DLG4: variants seen among roughly 807,000 people sequenced by gnomAD.
DLG4 encodes discs large MAGUK scaffold protein 4, also known as disks large homolog 4.
In DLG4, 7 loss-of-function variants were observed where a neutral mutation model predicts 93.8. That is an observed-to-expected ratio of 0.07 (90% confidence interval 0.04 to 0.14). The LOEUF (loss-of-function observed/expected upper bound fraction) is 0.14. Ranked by LOEUF, DLG4 falls within the 10% of genes least tolerant of loss-of-function variation. The pLI, the probability that DLG4 is intolerant of heterozygous loss-of-function variation, is 1.00. For missense variants in DLG4, 545 were observed against 992.9 expected, an observed-to-expected ratio of 0.55 and a Z score of 6.06; for synonymous variants, 341 against 387.6, an observed-to-expected ratio of 0.88 and a Z score of 1.41.
chr17:7,210,779 C>A (rs984181054), intron 1 of DLG4, among the ~76,000 whole-genome samples: 2 of 152,126 alleles, frequency 1.3e-5, no homozygotes, highest in African/African-American at 4.8e-5. Context: ...CTTCACTCCA[C>A]CTCAGAGAGA....
rs41283393 is a variant in DLG4 at position 7,194,351 on chromosome 17, G to A, written c.1446C>T (p.Thr482=). 56,296 of 1,607,304 alleles carry A rather than the reference G, an allele frequency of 0.035. 1,214 individuals carry two copies. Among genetic ancestry groups the A allele is most frequent in the Non-Finnish European group, 0.039 (45,334 of 1,177,086 alleles). ...TGCTGGGGATGAACCCAATGTCGTCGGTCTCACTGTCAGAGTGGACCCGCC... is the reference window on the plus strand; with the variant it reads ...TGCTGGGGATGAACCCAATGTCGTCAGTCTCACTGTCAGAGTGGACCCGCC... The part of the protein sequence containing the change: ...QARRVHSDSE[T]DDIGFIPSKR... The change falls in exon 12 of 20, where the codon ACC becomes ACT. Residue 482 remains threonine (T), a synonymous_variant. Coordinates refer to ENST00000399506, the MANE Select transcript of DLG4 (RefSeq NM_001321075.3). This position sits in a 1 kb window ranked among gnomAD's most constrained non-coding sequence, Gnocchi z 4.4.
intron 2 of DLG4, among the ~76,000 whole-genome samples, chr17:7,207,726 A>G (rs1000764604): frequency 1.3e-5 from 2 of 151,126 alleles, no homozygotes; most frequent in South Asian, 2.1e-4. Flanking sequence ...CAAACGGCGC[A>G]CGCACGCACA....
chr17:7,204,994 G>T, intron 2 of DLG4: 2 of 985,654 alleles, frequency 2.0e-6, no homozygotes, highest in Non-Finnish European at 2.4e-6. Context: ...GGCGTGGCCT[G>T]GGGCCGACCA....
At position 7,203,533 on chromosome 17, in the gene DLG4, C is replaced by T. The variant is rs182090477; in HGVS notation, c.396G>A (p.Ala132=). 80 of 1,613,668 alleles carry T rather than the reference C, an allele frequency of 5.0e-5. No homozygotes were observed. The Admixed American group carries it at 9.8e-4, about 20-fold the overall frequency. Residue 132 remains alanine, a synonymous_variant, in exon 6 of 20, where the codon GCG becomes GCA. Coordinates refer to ENST00000399506, the MANE Select transcript of DLG4 (RefSeq NM_001321075.3). This position sits in a 1 kb window ranked among gnomAD's most constrained non-coding sequence, Gnocchi z 7.2. ...CTGCCTCTTTGAGGGCTTCCACCGC[C>T]GCTGAGTGGGTCACCTCGCGCACGT... ...EVDVREVTHS[A]AVEALKEAGS...
At chr17:7,219,969 C>T (rs1420746688), upstream of DLG4, 33 of 1,597,366 alleles carry the variant, frequency 2.1e-5, no homozygotes, top group Non-Finnish European at 2.7e-5. Context: ...CCAGCGGCGC[C>T]CGGAGAGATT....
At chr17:7,218,774 C>A, upstream of DLG4, 2 of 1,606,460 alleles carry the variant, frequency 1.2e-6, no homozygotes, top group East Asian at 4.5e-5. Flanking sequence ...GATCTCCGAG[C>A]CCCAGCCCCC....
chr17:7,191,868 G>A lies in DLG4; in HGVS notation c.1976+25C>T, dbSNP rs2052942242. On this transcript the variant is annotated intron_variant, in intron 18 of 19. Transcript: ENST00000399506. The surrounding 1 kb of genome is among the most constrained non-coding windows in gnomAD (Gnocchi z 6.6). ...GGCCACAGGTGTTGGGGGAGCAAAG[G>A]GGAGGCCCCCAGGACCATACTCACA... The A allele has an allele frequency of 2.1e-6, 3 of 1,417,284 alleles. No individual in the cohort carries two copies. The African/African-American group carries it at 4.3e-5, about 21-fold the overall frequency. The allele number at this position is 1,417,284 out of a possible 1,614,324, so 87.8% of individuals were successfully genotyped here. A position where few individuals can be genotyped will look rare whatever the true frequency, so the allele number is the denominator to read the frequency against.
intron 8 of DLG4, among the ~76,000 whole-genome samples, chr17:7,201,558 A>C (rs2070137394): frequency 6.6e-6 from 1 of 152,180 alleles, no homozygotes; most frequent in Non-Finnish European, 1.5e-5. Flanking sequence ...GAATAATAGC[A>C]GTGGGAAGAG....
Position 7,208,250 on chromosome 17 carries a change from G to A in DLG4, c.31-11C>T, listed in dbSNP as rs2070568215. 2 of 1,311,992 alleles carry A rather than the reference G, an allele frequency of 1.5e-6. No homozygotes were observed. The highest frequency in any genetic ancestry group is 3.2e-5 in the South Asian group (1 of 31,744). The allele number at this position is 1,311,992 out of a possible 1,614,324, so 81.3% of individuals were successfully genotyped here. On this transcript the variant is annotated splice_polypyrimidine_tract_variant and intron_variant, in intron 1 of 19. Coordinates refer to ENST00000399506, the MANE Select transcript of DLG4 (RefSeq NM_001321075.3). This position sits in a 1 kb window ranked among gnomAD's most constrained non-coding sequence, Gnocchi z 5.4. The stretch of plus-strand genomic sequence containing the variant: ...TTGGTAGCGGTATTTCTGGGGATGG[G>A]GACGGAGGTGTCACTGGGGCCAGCC...
At chr17:7,216,651 A>G (rs1294316086) in intron 1 of DLG4, among the ~76,000 whole-genome samples, 1 of 151,954 alleles carries the variant, frequency 6.6e-6, no homozygotes, top group Non-Finnish European at 1.5e-5. Flanking sequence ...ACACCCCCAG[A>G]TCAGTCAGGC....
chr17:7,199,830 AT>A (rs1313963584), intron 8 of DLG4, among the ~76,000 whole-genome samples: 2 of 151,992 alleles, frequency 1.3e-5, no homozygotes, highest in East Asian at 3.9e-4. Context: ...ATACAAAAAA[AT>A]TAGCCAGGCG....
intron 8 of DLG4, among the ~76,000 whole-genome samples, chr17:7,200,644 T>G (rs555005434): frequency 6.9e-4 from 105 of 152,032 alleles, no homozygotes; most frequent in African/African-American, 2.2e-3. Flanking sequence ...CCTCCCAGGT[T>G]CAAGCAATTC....
At chr17:7,204,501 C>G (rs888562147) in intron 2 of DLG4, 12 of 437,508 alleles carry the variant, frequency 2.7e-5, no homozygotes, top group African/African-American at 2.4e-4. Flanking sequence ...CCCGGGGCCC[C>G]CTGCATGTGG....
chr17:7,210,976 C>T (rs1226027307), intron 1 of DLG4, among the ~76,000 whole-genome samples: 1 of 151,770 alleles, frequency 6.6e-6, no homozygotes, highest in East Asian at 1.9e-4. Context: ...AGAAAAGGCT[C>T]CTCAGGATTG....
chr17:7,189,310 T>C lies in DLG4; in HGVS notation c.*1398A>G, dbSNP rs1211169980. Among the ~76,000 whole-genome samples, 1 of 150,838 alleles carries C rather than the reference T, an allele frequency of 6.6e-6. No individual in the cohort carries two copies. Among genetic ancestry groups the C allele is most frequent in the Non-Finnish European group, 1.5e-5 (1 of 67,742 alleles). On this transcript the variant is annotated 3_prime_UTR_variant, in exon 20 of 20. Coordinates refer to ENST00000399506, the MANE Select transcript of DLG4 (RefSeq NM_001321075.3). ...TTCAAGACCAGCCTGACCAACATGG[T>C]GAAACCCCATCTCTACTAAAAATAC... is the stretch of plus-strand genomic sequence containing the variant.
In DLG4 at chr17:7,196,129, G is replaced by A. The variant is rs958224307; in HGVS notation, c.1301+91C>T. On this transcript the variant is annotated intron_variant, in intron 11 of 19. Coordinates refer to ENST00000399506, the MANE Select transcript of DLG4 (RefSeq NM_001321075.3). This position sits in a 1 kb window ranked among gnomAD's most constrained non-coding sequence, Gnocchi z 8.3. ...GGGGTGGGGAGCTAGAGCAGGCAGGGTGGAGAAGAGGAGCGGCTGAGGCCC... is the reference window on the plus strand; with the variant it reads ...GGGGTGGGGAGCTAGAGCAGGCAGGATGGAGAAGAGGAGCGGCTGAGGCCC... The A allele has an allele frequency of 8.6e-6, 8 of 931,458 alleles. No homozygotes were observed. The highest frequency in any genetic ancestry group is 1.5e-5 in the South Asian group (1 of 65,982). 57.7% of individuals were successfully genotyped at this position (931,458 alleles called of 1,614,324 possible).
rs768469562 is a variant in DLG4, at chr17:7,187,853, G to A, written c.*2855C>T. The stretch of plus-strand genomic sequence containing the variant: ...GGAGGCCAAGGCGGGCAGATCACCT[G>A]AGGTCAAGAGTTTGAGACCAGCTTG... On this transcript the variant is annotated 3_prime_UTR_variant, in exon 20 of 20. Transcript: ENST00000399506. 1.3e-5 allele frequency among the ~76,000 whole-genome samples: 2 copies of A among 152,140 alleles called. No homozygotes were observed. The highest frequency in any genetic ancestry group is 2.9e-5 in the Non-Finnish European group (2 of 68,024).
Position 7,196,666 on chromosome 17 carries a change from C to G in DLG4, c.1083+91G>C. ...CAGGGAGTGGTCCCGCAAGAGGACT[C>G]GGCTGCAGCCCATCCAGGCCCCTCC... is the stretch of plus-strand genomic sequence containing the variant. On this transcript the variant is annotated intron_variant, in intron 9 of 19. Coordinates refer to ENST00000399506, the MANE Select transcript of DLG4 (RefSeq NM_001321075.3). This position sits in a 1 kb window ranked among gnomAD's most constrained non-coding sequence, Gnocchi z 8.3. 6.3e-7 allele frequency: 1 copy of G among 1,583,910 alleles called. No homozygotes were observed. Among genetic ancestry groups the G allele is most frequent in the Non-Finnish European group, 8.6e-7 (1 of 1,163,302 alleles).
chr17:7,205,635 T>G (rs941774709), intron 2 of DLG4, among the ~76,000 whole-genome samples: 1 of 151,726 alleles, frequency 6.6e-6, no homozygotes, highest in Non-Finnish European at 1.5e-5. Context: ...CCTTCACATA[T>G]CAGCAAATGC....
Sources: allele counts gnomAD v4.1 joint callset (sites outside exome capture counted in the v4.1 genomes callset), GRCh38; gene constraint gnomAD v4.1.1; non-coding constraint Gnocchi (gnomAD v3.1); transcripts MANE v1.5; gene names NCBI Gene and HGNC (gene_info 2026-07-23, HGNC 2026-07-21).